ZSWIM5: variants seen among roughly 807,000 people sequenced by gnomAD.
ZSWIM5 encodes the protein zinc finger SWIM-type containing 5.
A neutral mutation model predicts 119.6 loss-of-function variants in ZSWIM5; 55 were observed. The observed-to-expected ratio is 0.46, with a 90% CI of 0.37 to 0.58. ZSWIM5 has a LOEUF of 0.58. Among genes scored for constraint, ZSWIM5 ranks in the 20% least tolerant of loss-of-function variants. The pLI, the probability that ZSWIM5 is intolerant of heterozygous loss-of-function variation, is 0.00. For synonymous variants in ZSWIM5, 537 were observed against 606.9 expected, an observed-to-expected ratio of 0.88 and a Z score of 1.69; for missense variants, 1,193 against 1,512.8, an observed-to-expected ratio of 0.79 and a Z score of 3.51.
chr1:45,058,158 A>G (rs768617886), intron 4 of ZSWIM5, among the ~76,000 whole-genome samples: 2 of 152,224 alleles, frequency 1.3e-5, no homozygotes, highest in African/African-American at 2.4e-5. Context: ...TGAAGCTATG[A>G]TATTTTAAAA....
chr1:45,122,084 C>G (rs1372153991), intron 1 of ZSWIM5, among the ~76,000 whole-genome samples: 1 of 152,188 alleles, frequency 6.6e-6, no homozygotes. Context: ...TACATTCTGT[C>G]TTACTCATTA....
chr1:45,061,738 GTTTTT>G (rs113825465), intron 2 of ZSWIM5, among the ~76,000 whole-genome samples: 1 of 142,570 alleles, frequency 7.0e-6, no homozygotes, highest in African/African-American at 2.6e-5. Context: ...CACCTCACCA[GTTTTT>G]TTTTTTTTTT....
chr1:45,039,067 A>G lies in ZSWIM5; in HGVS notation c.1763T>C (p.Leu588Ser). 6.2e-7 allele frequency: 1 copy of G among 1,614,118 alleles called. No individual in the cohort carries two copies. Among genetic ancestry groups the G allele is most frequent in the Non-Finnish European group, 8.5e-7 (1 of 1,179,978 alleles). The change falls in exon 8 of 14, where the codon TTG becomes TCG. Residue 588 changes from leucine to serine, a missense_variant. Physicochemically the swap from Leu to Ser is moderately radical, Grantham distance 145 (BLOSUM62 -2). Transcript: ENST00000359600. ...EIYKHQKKEL[L>S]QRGTTTITNL... ...TGTGATGGTTGTGGTTCCTCTCTGC[A>G]ACAGTTCTGGAAACAAGCAGGTTAA... is the stretch of plus-strand genomic sequence containing the variant.
chr1:45,035,917 A>G, intron 9 of ZSWIM5, 94 bp from the exon 10 acceptor site: 1 of 1,578,916 alleles, frequency 6.3e-7, no homozygotes, highest in Non-Finnish European at 8.6e-7. Context: ...TTTGCTAATC[A>G]TGGGAACCTT....
chr1:45,063,441 A>G (rs193005862), intron 2 of ZSWIM5, among the ~76,000 whole-genome samples: 135 of 152,274 alleles, frequency 8.9e-4, no homozygotes, highest in African/African-American at 3.1e-3. Context: ...GTCATGCCCT[A>G]TTCTTACTAA....
chr1:45,103,234 T>C (rs76541898), intron 1 of ZSWIM5, among the ~76,000 whole-genome samples: 2,308 of 152,276 alleles, frequency 0.015, 75 homozygotes, highest in African/African-American at 0.053. Flanking sequence ...TTCAAAAATA[T>C]AAAATACAAG....
In ZSWIM5 at chr1:45,131,919, C is replaced by T. The variant is rs138822259; in HGVS notation, c.596-43682G>A. On this transcript the variant is annotated intron_variant, in intron 1 of 13. Coordinates refer to ENST00000359600, the MANE Select transcript of ZSWIM5 (RefSeq NM_020883.2). Reference sequence around the variant, plus strand: ...ACAATTATACAATGTATGGAGAGAACATAAAGATTGGAGTGACCAGTTTAT... The same window carrying T: ...ACAATTATACAATGTATGGAGAGAATATAAAGATTGGAGTGACCAGTTTAT... Among the ~76,000 whole-genome samples the T allele has an allele frequency of 2.5e-3, 381 of 151,310 alleles. 2 individuals are homozygous for T. The highest frequency in any genetic ancestry group is 8.8e-3 in the African/African-American group (362 of 41,360).
chr1:45,048,335 C>T (rs566840467), intron 5 of ZSWIM5, among the ~76,000 whole-genome samples: 150 of 152,036 alleles, frequency 9.9e-4, no homozygotes, highest in African/African-American at 3.2e-3. Context: ...CCACTGTGCC[C>T]GGCATGGTTG....
rs1305615383 is a variant in ZSWIM5, at chr1:45,206,248, C to T, written c.103G>A (p.Gly35Ser). ...CCTCCGCCGGCTGCCCCAGGCGAAC[C>T]GCGAGGGTGATGAGCCTGCGGGCTG... ...WPSPQAHHPR[G>S]SPGAAGGGAG... Residue 35 changes from glycine (G) to serine (S), a missense_variant, in exon 1 of 14, where the codon GGT becomes AGT. Transcript: ENST00000359600. 7.6e-6 allele frequency: 12 copies of T among 1,585,088 alleles called. No homozygotes were observed. The highest frequency in any genetic ancestry group is 7.2e-5 in the Admixed American group (4 of 55,480).
At chr1:45,102,336 A>G (rs890018742) in intron 1 of ZSWIM5, among the ~76,000 whole-genome samples, 26 of 152,254 alleles carry the variant, frequency 1.7e-4, no homozygotes, top group Middle Eastern at 3.4e-3. Flanking sequence ...AGTTTCCTAT[A>G]CCAGGCATGA....
chr1:45,188,071 T>C (rs115894466), intron 1 of ZSWIM5, among the ~76,000 whole-genome samples: 1 of 152,226 alleles, frequency 6.6e-6, no homozygotes, highest in East Asian at 1.9e-4. Flanking sequence ...AGTTACTGCA[T>C]GATCCAACAA....
chr1:45,150,708 T>C (rs188930921), intron 1 of ZSWIM5, among the ~76,000 whole-genome samples: 39 of 152,306 alleles, frequency 2.6e-4, no homozygotes, highest in Admixed American at 2.5e-3. Context: ...CATAATTATT[T>C]TTCTACATGT....
rs569692792 is a variant in ZSWIM5 at position 45,057,797 on chromosome 1, T to C, written c.1252+812A>G. 3.3e-5 allele frequency among the ~76,000 whole-genome samples: 5 copies of C among 152,266 alleles called. No homozygotes were observed. In the South Asian group the frequency reaches 1.0e-3, roughly 32 times the overall value. ...GAAATGATGGCCACAGAGGACTGCC[T>C]TGATGAGGGAGAACCTAGAACAGTG... is the stretch of plus-strand genomic sequence containing the variant. On this transcript the variant is annotated intron_variant, in intron 4 of 13. Transcript: ENST00000359600. This position sits in a 1 kb window ranked among gnomAD's most constrained non-coding sequence, Gnocchi z 4.7.
At chr1:45,058,906 G>T in intron 3 of ZSWIM5, 147 bp from the exon 4 acceptor site, 1 of 842,462 alleles carries the variant, frequency 1.2e-6, no homozygotes, top group Non-Finnish European at 1.9e-6. Flanking sequence ...TGTTCTGTAA[G>T]CAAGATCTCT....
At chr1:45,095,903 A>C (rs1479098939) in intron 1 of ZSWIM5, among the ~76,000 whole-genome samples, 1 of 152,216 alleles carries the variant, frequency 6.6e-6, no homozygotes, top group Non-Finnish European at 1.5e-5. Context: ...AAAAACACAT[A>C]AAGTGGTTAG....
chr1:45,069,404 C>T (rs757216813), intron 2 of ZSWIM5, among the ~76,000 whole-genome samples: 12 of 149,378 alleles, frequency 8.0e-5, no homozygotes, highest in African/African-American at 2.0e-4. Flanking sequence ...CCAGCCTGGA[C>T]GACAGAGTGA....
At chr1:45,129,347 C>T (rs981434206) in intron 1 of ZSWIM5, among the ~76,000 whole-genome samples, 1 of 151,658 alleles carries the variant, frequency 6.6e-6, no homozygotes, top group African/African-American at 2.4e-5. Flanking sequence ...TTAATAGAGA[C>T]GAGGTTTCAC....
intron 1 of ZSWIM5, among the ~76,000 whole-genome samples, chr1:45,191,945 C>T (rs184039161): frequency 8.9e-4 from 136 of 152,232 alleles, no homozygotes; most frequent in African/African-American, 3.1e-3. Flanking sequence ...AAGATTTGTG[C>T]AACCATTGCC....
At chr1:45,070,853 T>C (rs1161823501) in intron 2 of ZSWIM5, among the ~76,000 whole-genome samples, 2 of 152,242 alleles carry the variant, frequency 1.3e-5, no homozygotes, top group South Asian at 2.1e-4. Context: ...CAAACACTTA[T>C]AGAACATTGA....
Sources: allele counts gnomAD v4.1 joint callset (sites outside exome capture counted in the v4.1 genomes callset), GRCh38; gene constraint gnomAD v4.1.1; non-coding constraint Gnocchi (gnomAD v3.1); transcripts MANE v1.5; gene names NCBI Gene and HGNC (gene_info 2026-07-23, HGNC 2026-07-21).